The following AGBL4 variants were observed in gnomAD, a reference collection of about 807,000 sequenced individuals.
The protein encoded by AGBL4 is AGBL carboxypeptidase 4.
AGBL4 carries 58 observed loss-of-function variants against 66.4 expected under a neutral mutation model. The observed-to-expected ratio is 0.87, with a 90% CI of 0.71 to 1.09. AGBL4 has a LOEUF of 1.09. AGBL4 is among the 50% of genes least tolerant of loss of function. The pLI, the probability that AGBL4 is intolerant of heterozygous loss-of-function variation, is 0.00. For synonymous variants in AGBL4, 234 were observed against 222.9 expected (o/e 1.05, Z -0.44); for missense variants, 579 against 631.0 (o/e 0.92, Z 0.88).
At chr1:49,785,530 GAATACCACT>G (rs1644431500) in intron 2 of AGBL4, among the ~76,000 whole-genome samples, 1 of 151,780 alleles carries the variant, frequency 6.6e-6, no homozygotes, top group African/African-American at 2.4e-5. Context: ...GAAATTTGCT[GAATACCACT>G]AATACCACTC....
At chr1:49,106,789 A>G (rs779229238) in intron 4 of AGBL4, among the ~76,000 whole-genome samples, 39 of 152,178 alleles carry the variant, frequency 2.6e-4, no homozygotes, top group Non-Finnish European at 1.6e-4. Flanking sequence ...TTTAAATTCT[A>G]TGAAAGACCT....
chr1:49,642,626 C>G (rs955489055), intron 3 of AGBL4, among the ~76,000 whole-genome samples: 3 of 151,916 alleles, frequency 2.0e-5, no homozygotes, highest in African/African-American at 7.2e-5. Context: ...AAGGAACAAA[C>G]CTTCGTGCTC....
At chr1:48,855,910 G>A (rs1341234693) in intron 6 of AGBL4, among the ~76,000 whole-genome samples, 1 of 151,762 alleles carries the variant, frequency 6.6e-6, no homozygotes, top group Non-Finnish European at 1.5e-5. Flanking sequence ...TACATGCAGA[G>A]GTTGAGAAAT....
chr1:48,527,774 A>G, the AGBL4 span, among the ~76,000 whole-genome samples: 1 of 152,124 alleles, frequency 6.6e-6, no homozygotes, highest in East Asian at 1.9e-4. Context: ...GTTGGCTGGA[A>G]ATTAGAGAGA....
chr1:50,020,273 T>A (rs1476210920), intron 1 of AGBL4, among the ~76,000 whole-genome samples: 3 of 152,120 alleles, frequency 2.0e-5, no homozygotes, highest in African/African-American at 7.2e-5. Context: ...TAATTTCTTT[T>A]ATATGTAAAG....
chr1:48,527,714 C>T, the AGBL4 span, among the ~76,000 whole-genome samples: 31 of 151,510 alleles, frequency 2.0e-4, no homozygotes, highest in Non-Finnish European at 3.8e-4. Flanking sequence ...GACACATGAG[C>T]TAAGTCTTGA....
chr1:49,289,667 A>AAT (rs1374915803), intron 3 of AGBL4, among the ~76,000 whole-genome samples: 1 of 152,170 alleles, frequency 6.6e-6, no homozygotes, highest in Non-Finnish European at 1.5e-5. Flanking sequence ...TACTGAGATA[A>AAT]ATACTAATAA....
At chr1:48,993,182 G>A (rs1210110390) in intron 5 of AGBL4, among the ~76,000 whole-genome samples, 4 of 152,234 alleles carry the variant, frequency 2.6e-5, no homozygotes, top group Middle Eastern at 3.4e-3. Context: ...AGGGCCACGG[G>A]CTCTTTAGTC....
intron 2 of AGBL4, among the ~76,000 whole-genome samples, chr1:49,829,932 G>A (rs917735454): frequency 6.6e-6 from 1 of 152,106 alleles, no homozygotes; most frequent in African/African-American, 2.4e-5. Flanking sequence ...CCATGTCCCT[G>A]CAAAGGACAT....
chr1:49,384,462 G>A (rs920226305), intron 3 of AGBL4, among the ~76,000 whole-genome samples: 6 of 151,796 alleles, frequency 4.0e-5, no homozygotes, highest in Non-Finnish European at 2.9e-5. Context: ...GTGTGGTGGT[G>A]TGCACCTGTA....
At chr1:49,743,424 G>T (rs942962324) in intron 2 of AGBL4, among the ~76,000 whole-genome samples, 20 of 152,168 alleles carry the variant, frequency 1.3e-4, no homozygotes, top group African/African-American at 4.6e-4. Flanking sequence ...AGAGGATGTG[G>T]AGAAATAGGA....
chr1:49,132,146 G>C (rs1462636996), intron 4 of AGBL4, among the ~76,000 whole-genome samples: 5 of 152,184 alleles, frequency 3.3e-5, no homozygotes, highest in South Asian at 4.1e-4. Flanking sequence ...ACAGGAGTGT[G>C]TGGTCACATG....
At chr1:49,142,614 T>C (rs1180325884) in intron 4 of AGBL4, among the ~76,000 whole-genome samples, 1 of 152,024 alleles carries the variant, frequency 6.6e-6, no homozygotes, top group Non-Finnish European at 1.5e-5. Context: ...CCTTCTTTTC[T>C]CCTATGTCTA....
intron 2 of AGBL4, among the ~76,000 whole-genome samples, chr1:49,741,104 A>G (rs1261967821): frequency 6.6e-6 from 1 of 152,166 alleles, no homozygotes; most frequent in East Asian, 1.9e-4. Flanking sequence ...AAATCAATGA[A>G]CCCAGGAGAT....
chr1:49,542,825 G>A (rs1301724515), intron 3 of AGBL4, among the ~76,000 whole-genome samples: 2 of 145,370 alleles, frequency 1.4e-5, no homozygotes, highest in African/African-American at 2.6e-5. Context: ...TTGAAACCTG[G>A]TAGGTGGAGC....
chr1:50,002,683 T>C (rs193039866), intron 1 of AGBL4, among the ~76,000 whole-genome samples: 1 of 152,274 alleles, frequency 6.6e-6, no homozygotes, highest in Non-Finnish European at 1.5e-5. Flanking sequence ...CTAGTTCTTA[T>C]ACATGGCCAT....
At position 49,234,450 on chromosome 1, in the gene AGBL4, G is replaced by T. The variant is rs572066471; in HGVS notation, c.377+11320C>A. 2.0e-5 allele frequency among the ~76,000 whole-genome samples: 3 copies of T among 152,280 alleles called. No individual in the cohort carries two copies. The South Asian group carries it at 6.2e-4, about 32-fold the overall frequency. On this transcript the variant is annotated intron_variant, in intron 4 of 13. Coordinates refer to ENST00000371839, the MANE Select transcript of AGBL4 (RefSeq NM_032785.4). ...AGGGAAAAAGGAGAAGTGAACTTGAGAACATATTTCAGGCATAGGGAGAAT... is the reference window on the plus strand; with the variant it reads ...AGGGAAAAAGGAGAAGTGAACTTGATAACATATTTCAGGCATAGGGAGAAT...
intron 1 of AGBL4, among the ~76,000 whole-genome samples, chr1:49,880,224 G>C (rs1209580805): frequency 6.6e-6 from 1 of 151,890 alleles, no homozygotes; most frequent in Non-Finnish European, 1.5e-5. Context: ...TCCTTTGGAG[G>C]AGGAGAGGCG....
chr1:49,438,515 C>A (rs1190449731), intron 3 of AGBL4, among the ~76,000 whole-genome samples: 1 of 152,036 alleles, frequency 6.6e-6, no homozygotes, highest in African/African-American at 2.4e-5. Context: ...AGAATATAAA[C>A]CAAGAAGAAA....
Sources: gnomAD v4.1 joint callset for allele counts (sites outside exome capture counted in the v4.1 genomes callset) on GRCh38, gnomAD v4.1.1 for gene constraint, MANE v1.5 for transcripts, NCBI Gene and HGNC (gene_info 2026-07-23, HGNC 2026-07-21) for gene names.